MGAT5: variants seen among roughly 807,000 people sequenced by gnomAD.
MGAT5 encodes the protein alpha-1,6-mannosylglycoprotein 6-beta-N-acetylglucosaminyltransferase.
A neutral mutation model predicts 94.3 loss-of-function variants in MGAT5; 30 were observed. The observed-to-expected ratio is 0.32, with a 90% CI of 0.24 to 0.43. The LOEUF (loss-of-function observed/expected upper bound fraction) is 0.43. Ranked by LOEUF, MGAT5 falls within the 20% of genes least tolerant of loss-of-function variation. MGAT5 has a pLI of 1.00. For missense variants in MGAT5, 691 were observed against 905.5 expected (o/e 0.76, Z 3.04); for synonymous variants, 310 against 322.9 (o/e 0.96, Z 0.43).
At chr2:134,203,829 G>A (rs1041431828) in intron 1 of MGAT5, among the ~76,000 whole-genome samples, 5 of 152,242 alleles carry the variant, frequency 3.3e-5, no homozygotes, top group Admixed American at 2.6e-4. Flanking sequence ...TAAAAGTTTG[G>A]TGGGCCTTTA....
chr2:134,130,017 G>A (rs1373548599), intron 1 of MGAT5, among the ~76,000 whole-genome samples: 1 of 152,224 alleles, frequency 6.6e-6, no homozygotes, highest in Non-Finnish European at 1.5e-5. Flanking sequence ...GGGCTCCGCG[G>A]GCCCCGCACT....
chr2:134,163,981 G>A (rs983861046), intron 1 of MGAT5, among the ~76,000 whole-genome samples: 1 of 152,200 alleles, frequency 6.6e-6, no homozygotes, highest in Non-Finnish European at 1.5e-5. Context: ...GAGAATAGGG[G>A]ACAATGAACA....
intron 14 of MGAT5, among the ~76,000 whole-genome samples, chr2:134,440,394 GGGTTTTCTCCAGGGTCTCT>G (rs149734311): frequency 0.028 from 4,247 of 152,304 alleles, 132 homozygotes; most frequent in African/African-American, 0.07. Context: ...GTGTCTTCAT[GGGTTTTCTCCAGGGTCTCT>G]GGTTTTCTCC....
intron 10 of MGAT5, among the ~76,000 whole-genome samples, chr2:134,392,898 C>CG (rs1558852417): frequency 3.0e-3 from 24 of 7,948 alleles, no homozygotes; most frequent in African/African-American, 3.6e-3. Flanking sequence ...GACAGAAAGC[C>CG]CTTGGTGAGG....
intron 11 of MGAT5, among the ~76,000 whole-genome samples, chr2:134,406,834 G>A (rs932875741): frequency 1.3e-5 from 2 of 152,140 alleles, no homozygotes; most frequent in African/African-American, 4.8e-5. Context: ...GGCTGAGGTT[G>A]TGGTGAGCTG....
chr2:134,441,971 T>G (rs1480973159), intron 15 of MGAT5, 56 bp downstream of exon 15: 1 of 1,586,120 alleles, frequency 6.3e-7, no homozygotes, highest in Non-Finnish European at 8.6e-7. Context: ...GCTGGCCTTG[T>G]TGGGTAGTCA....
At chr2:134,422,387 G>T (rs1233135136) in intron 12 of MGAT5, among the ~76,000 whole-genome samples, 4 of 152,074 alleles carry the variant, frequency 2.6e-5, no homozygotes, top group African/African-American at 9.7e-5. Flanking sequence ...CCATGACTTA[G>T]CCTCCTGGGA....
intron 1 of MGAT5, among the ~76,000 whole-genome samples, chr2:134,139,767 C>T (rs1211198108): frequency 6.6e-6 from 1 of 152,144 alleles, no homozygotes; most frequent in African/African-American, 2.4e-5. Flanking sequence ...TAAAACAGCC[C>T]TGCTAGATTA....
Position 134,447,250 on chromosome 2 carries a change from A to C in MGAT5, c.2028-1399A>C, listed in dbSNP as rs116037328. 3.5e-3 allele frequency among the ~76,000 whole-genome samples: 537 copies of C among 152,296 alleles called. 4 individuals are homozygous for C. Among genetic ancestry groups the C allele is most frequent in the African/African-American group, 9.8e-3 (409 of 41,574 alleles). On this transcript the variant is annotated intron_variant, in intron 15 of 15. Coordinates refer to ENST00000281923, the MANE Select transcript of MGAT5 (RefSeq NM_002410.5). ...TCAGCAGAAAAATGAGACTTCCATG[A>C]ACCAAGTGAAATAGAAATGGTTGGT...
chr2:134,302,740 G>C (rs1400810326), intron 2 of MGAT5, among the ~76,000 whole-genome samples: 1 of 150,176 alleles, frequency 6.7e-6, no homozygotes, highest in Non-Finnish European at 1.5e-5. Flanking sequence ...GTGTGTGTGT[G>C]TGTGTGTGTG....
chr2:134,261,425 GGTGGC>G (rs1683325048), intron 1 of MGAT5, among the ~76,000 whole-genome samples: 1 of 152,162 alleles, frequency 6.6e-6, no homozygotes, highest in Admixed American at 6.5e-5. Flanking sequence ...ACTAAGGCAT[GGTGGC>G]TCTCTTCTAG....
chr2:134,389,897 C>T (rs1196713169), intron 10 of MGAT5, among the ~76,000 whole-genome samples: 3 of 152,164 alleles, frequency 2.0e-5, no homozygotes, highest in African/African-American at 7.2e-5. Context: ...AGAAAAATAT[C>T]ATCATTCTCC....
chr2:134,369,344 G>T (rs1454360346), intron 10 of MGAT5, among the ~76,000 whole-genome samples: 1 of 152,184 alleles, frequency 6.6e-6, no homozygotes, highest in Non-Finnish European at 1.5e-5. Context: ...GGCTTCAAAA[G>T]TTTTTCTAAA....
At chr2:134,232,458 C>A (rs539938972) in intron 1 of MGAT5, among the ~76,000 whole-genome samples, 1 of 152,264 alleles carries the variant, frequency 6.6e-6, no homozygotes, top group Non-Finnish European at 1.5e-5. Context: ...GAAGAGGGGC[C>A]TTGGGAAAGG....
At chr2:134,366,734 G>A (rs1328945719) in intron 10 of MGAT5, among the ~76,000 whole-genome samples, 3 of 152,254 alleles carry the variant, frequency 2.0e-5, no homozygotes, top group Non-Finnish European at 2.9e-5. Context: ...GCATCCAGGT[G>A]ATACCGGTGG....
At chr2:134,343,688 A>C (rs1688757807) in intron 7 of MGAT5, among the ~76,000 whole-genome samples, 1 of 152,190 alleles carries the variant, frequency 6.6e-6, no homozygotes, top group Non-Finnish European at 1.5e-5. Context: ...TTCATTATAC[A>C]GACAAGTTTG....
chr2:134,196,530 G>A (rs1679504018), intron 1 of MGAT5, among the ~76,000 whole-genome samples: 1 of 152,194 alleles, frequency 6.6e-6, no homozygotes, highest in Non-Finnish European at 1.5e-5. Context: ...TGACAGCCCA[G>A]ATTTGTTAAT....
intron 14 of MGAT5, among the ~76,000 whole-genome samples, chr2:134,435,384 T>C (rs1177776468): frequency 2.6e-5 from 4 of 152,348 alleles, no homozygotes; most frequent in African/African-American, 9.6e-5. Context: ...GCTCACTTCT[T>C]TACTTCCTCG....
At position 134,127,502 on chromosome 2, in the gene MGAT5, C is replaced by G. The variant is rs11900650; in HGVS notation, c.-143+7211C>G. Among the ~76,000 whole-genome samples the G allele has an allele frequency of 2.3e-3, 292 of 125,684 alleles. 1 individual carries two copies. Among genetic ancestry groups the G allele is most frequent in the South Asian group, 0.013 (39 of 3,056 alleles). The allele number at this position is 125,684 out of a possible 152,430, so 82.5% of individuals were successfully genotyped here. A position where few individuals can be genotyped will look rare whatever the true frequency, so the allele number is the denominator to read the frequency against. Reference sequence around the variant, plus strand: ...TCCTTCAAGGAAAAGGTTTCCCCCCCCCCCAGGCTTGTTCCAACCCCCCCA... The same window carrying G: ...TCCTTCAAGGAAAAGGTTTCCCCCCGCCCCAGGCTTGTTCCAACCCCCCCA... On this transcript the variant is annotated intron_variant, in intron 1 of 16. Coordinates refer to the MGAT5 transcript ENST00000409645.
Sources: gnomAD v4.1 joint callset for allele counts (sites outside exome capture counted in the v4.1 genomes callset) on GRCh38, gnomAD v4.1.1 for gene constraint, MANE v1.5 for transcripts, NCBI Gene and HGNC (gene_info 2026-07-23, HGNC 2026-07-21) for gene names.